NUP42: variants seen among roughly 807,000 people sequenced by gnomAD.
NUP42 encodes nucleoporin NUP42.
In NUP42, 47 loss-of-function variants were observed where a neutral mutation model predicts 35.9. That is an observed-to-expected ratio of 1.31 (90% CI 1.04 to 1.67). NUP42 has a LOEUF of 1.67. Ranked by LOEUF, NUP42 falls within the 40% of genes most tolerant of loss-of-function variation. The pLI, the probability that NUP42 is intolerant of heterozygous loss-of-function variation, is 0.00. For synonymous variants in NUP42, 173 were observed against 173.3 expected (o/e 1.00, Z 0.01); for missense variants, 514 against 492.2 (o/e 1.04, Z -0.42).
chr7:23,199,587 A>G (rs1167639490), intron 6 of NUP42, 45 bp downstream of exon 6: 3 of 1,485,820 alleles, frequency 2.0e-6, no homozygotes, highest in Non-Finnish European at 2.8e-6. Flanking sequence ...TAGAAAAATT[A>G]GATTTTATAG....
At chr7:23,188,609 T>C (rs1785684937) in intron 3 of NUP42, 1 of 845,730 alleles carries the variant, frequency 1.2e-6, no homozygotes, top group Admixed American at 6.2e-5. Context: ...ACAGTGTTTT[T>C]AGTATGTGTA....
intron 3 of NUP42, among the ~76,000 whole-genome samples, chr7:23,192,519 C>G (rs1785829952): frequency 6.9e-6 from 1 of 145,576 alleles, no homozygotes; most frequent in African/African-American, 2.6e-5. Flanking sequence ...TGCACTCCAG[C>G]CTGGGCAACA....
rs1247886718 is a variant in NUP42, at chr7:23,200,946, G to T, written c.*201G>T. ...ACTCTGCAAGCAAGGGAATTTTTTT[G>T]TACTGTAATTTTGAATGGAACTGAA... On this transcript the variant is annotated 3_prime_UTR_variant, in exon 7 of 7. Transcript: ENST00000258742. 6.0e-6 allele frequency: 2 copies of T among 332,374 alleles called. No individual in the cohort carries two copies. The highest frequency in any genetic ancestry group is 4.8e-5 in the East Asian group (1 of 21,034). The allele number at this position is 332,374 out of a possible 1,614,324, so 20.6% of individuals were successfully genotyped here.
intron 2 of NUP42, among the ~76,000 whole-genome samples, chr7:23,186,820 G>A (rs879761213): frequency 6.6e-6 from 1 of 152,106 alleles, no homozygotes; most frequent in African/African-American, 2.4e-5. Flanking sequence ...TAATGGGTCA[G>A]TGTATTGGAA....
intron 3 of NUP42, among the ~76,000 whole-genome samples, chr7:23,194,179 G>A (rs1018521027): frequency 6.6e-6 from 1 of 152,244 alleles, no homozygotes; most frequent in African/African-American, 2.4e-5. Context: ...CTCCCACAGT[G>A]CAGCGGTGGG....
intron 6 of NUP42, 101 bp from the exon 7 acceptor site, chr7:23,200,067 G>C (rs2128475307): frequency 1.2e-6 from 1 of 864,996 alleles, no homozygotes; most frequent in East Asian, 2.7e-5. Flanking sequence ...ACTGAAACAT[G>C]ACATAAATAA....
Position 23,199,528 on chromosome 7 carries a change from C to A in NUP42, c.680C>A (p.Thr227Lys). The change falls in exon 6 of 7, where the codon ACA becomes AAA. Residue 227 changes from threonine (T) to lysine (K), a missense_variant. Thr to Lys is a moderately conservative substitution (Grantham distance 78). Transcript: ENST00000258742. The part of the protein sequence containing the change: ...AFGFGSSQAA[T>K]FMSPGFPVNN... ...GGATTTGGCAGCAGTCAAGCAGCAA[C>A]ATTTATGTCGCCAGGTAAGTGATAA... is the stretch of plus-strand genomic sequence containing the variant. 1 of 1,613,676 alleles carries A rather than the reference C, an allele frequency of 6.2e-7. No individual in the cohort carries two copies. Among genetic ancestry groups the A allele is most frequent in the South Asian group, 1.1e-5 (1 of 91,080 alleles).
In NUP42 at chr7:23,200,698, G is replaced by A. The variant is rs925086136; in HGVS notation, c.1225G>A (p.Gly409Arg). The change falls in exon 7 of 7, where the codon GGA becomes AGA. Residue 409 changes from glycine (G) to arginine (R), a missense_variant. Physicochemically the swap from Gly to Arg is moderately radical, Grantham distance 125 (BLOSUM62 -2). Coordinates refer to ENST00000258742, the MANE Select transcript of NUP42 (RefSeq NM_007342.3). ...ATTTCAATCCAAGAAATTTACTCTG[G>A]GAAAAATTCCATTAAAGCCTCCACC... ...EQFQSKKFTL[G>R]KIPLKPPPLE... The A allele has an allele frequency of 3.7e-6, 6 of 1,606,138 alleles. No individual in the cohort carries two copies. The highest frequency in any genetic ancestry group is 1.3e-5 in the African/African-American group (1 of 74,658).
intron 5 of NUP42, 128 bp from the exon 6 acceptor site, chr7:23,199,330 G>A: frequency 1.4e-6 from 1 of 710,782 alleles, no homozygotes; most frequent in South Asian, 1.6e-5. Context: ...AGGATTACAG[G>A]TGTGAGCCAC....
At chr7:23,182,394 GT>G (rs1785439255) in intron 1 of NUP42, 188 bp downstream of exon 1, 2 of 1,395,208 alleles carry the variant, frequency 1.4e-6, no homozygotes, top group Non-Finnish European at 1.9e-6. Context: ...CATGTGGTCC[GT>G]TTTTATTGAG....
chr7:23,185,774 C>T (rs1785571862), intron 2 of NUP42, among the ~76,000 whole-genome samples: 1 of 152,200 alleles, frequency 6.6e-6, no homozygotes, highest in Admixed American at 6.5e-5. Flanking sequence ...GAGTCTTGCT[C>T]TGTTGCCCAG....
At chr7:23,182,251 T>A in intron 1 of NUP42, 45 bp downstream of exon 1, 1 of 1,559,500 alleles carries the variant, frequency 6.4e-7, no homozygotes, top group East Asian at 2.4e-5. Flanking sequence ...CCGGGAAGGG[T>A]CCGCCGGCGG....
chr7:23,182,358 A>G, intron 1 of NUP42, 152 bp downstream of exon 1: 1 of 1,435,312 alleles, frequency 7.0e-7, no homozygotes, highest in Non-Finnish European at 9.1e-7. Context: ...ACGTTTTTAA[A>G]CCGAGGGTTT....
intron 3 of NUP42, among the ~76,000 whole-genome samples, chr7:23,187,716 C>G (rs6955568): frequency 0.36 from 54,173 of 149,808 alleles, 10,076 homozygotes; most frequent in African/African-American, 0.45. Context: ...AAGTGATTCT[C>G]CTGCCTCAGC....
chr7:23,182,742 CAAA>C (rs60397960), intron 1 of NUP42, among the ~76,000 whole-genome samples: 4 of 74,154 alleles, frequency 5.4e-5, no homozygotes, highest in African/African-American at 2.4e-4. Flanking sequence ...CTAAAAATAC[CAAA>C]AAAAAAAAAA....
At chr7:23,192,838 G>A (rs1490285584) in intron 3 of NUP42, among the ~76,000 whole-genome samples, 2 of 152,170 alleles carry the variant, frequency 1.3e-5, no homozygotes, top group Admixed American at 1.3e-4. Context: ...TTCTATGTGT[G>A]TATATATGTA....
intron 3 of NUP42, chr7:23,187,939 T>TGG: frequency 5.0e-6 from 2 of 401,716 alleles, no homozygotes; most frequent in East Asian, 4.6e-5. Context: ...ATTCTCTGTC[T>TGG]CTCTCTCTCT....
chr7:23,200,400 C>T lies in NUP42; in HGVS notation c.927C>T (p.Ser309=). 6.2e-7 allele frequency: 1 copy of T among 1,614,142 alleles called. No homozygotes were observed. The highest frequency in any genetic ancestry group is 1.3e-5 in the African/African-American group (1 of 75,034). The part of the protein sequence containing the change: ...ASFSFKSPAA[S]SFGSPGFSGL... The stretch of plus-strand genomic sequence containing the variant: ...TTTCATTCAAAAGCCCTGCAGCTTC[C>T]AGTTTTGGATCACCTGGATTTTCAG... The change falls in exon 7 of 7, where the codon TCC becomes TCT. Residue 309 remains serine, a synonymous_variant. Transcript: ENST00000258742.
In NUP42 at chr7:23,200,550, A is replaced by G; in HGVS notation, c.1077A>G (p.Pro359=). ...ATTCTCACACTGCTTTTTCTAAGCC[A>G]TCCAGTGACACTTTTGGAAATAGCA... The part of the protein sequence containing the change: ...GSHSHTAFSK[P]SSDTFGNSSI... The change falls in exon 7 of 7, where the codon CCA becomes CCG. Residue 359 remains proline, a synonymous_variant. Transcript: ENST00000258742. 6.2e-7 allele frequency: 1 copy of G among 1,614,162 alleles called. No homozygotes were observed. The highest frequency in any genetic ancestry group is 8.5e-7 in the Non-Finnish European group (1 of 1,180,022).
Sources: allele counts gnomAD v4.1 joint callset (sites outside exome capture counted in the v4.1 genomes callset), GRCh38; gene constraint gnomAD v4.1.1; transcripts MANE v1.5; gene names NCBI Gene and HGNC (gene_info 2026-07-23, HGNC 2026-07-21).